The following CFAP74 variants were observed in gnomAD, a reference collection of about 807,000 sequenced individuals.
The protein encoded by CFAP74 is cilia and flagella associated protein 74.
Under a neutral mutation model 188.9 loss-of-function variants are expected in CFAP74, and 124 were observed. The observed-to-expected ratio is 0.66, with a 90% CI of 0.57 to 0.76. CFAP74 has a LOEUF of 0.76. CFAP74 is among the 30% of genes least tolerant of loss of function. CFAP74 has a pLI of 0.00. For missense variants in CFAP74, 2,198 were observed against 2,165.2 expected (o/e 1.02, Z -0.30); for synonymous variants, 956 against 916.7 (o/e 1.04, Z -0.77).
intron 37 of CFAP74, 116 bp downstream of exon 37, chr1:1,922,869 A>T: frequency 6.7e-7 from 1 of 1,491,004 alleles, no homozygotes; most frequent in South Asian, 1.3e-5. Flanking sequence ...AGTCCGAGAA[A>T]AGCCCGGCTG....
chr1:1,970,386 G>A (rs547473968), intron 10 of CFAP74, among the ~76,000 whole-genome samples: 19 of 152,174 alleles, frequency 1.2e-4, no homozygotes, highest in South Asian at 6.2e-4. Flanking sequence ...GGAGGCTCTC[G>A]ACAGGGGCCG....
intron 18 of CFAP74, among the ~76,000 whole-genome samples, chr1:1,952,610 G>A (rs1386884955): frequency 1.3e-5 from 2 of 151,360 alleles, no homozygotes; most frequent in Non-Finnish European, 2.9e-5. Context: ...AAGAAAGAAA[G>A]AAAGACAGAC....
In CFAP74 at chr1:1,939,617, A is replaced by C. The variant is rs1429494209; in HGVS notation, c.2854T>G (p.Phe952Val). Residue 952 changes from phenylalanine (F) to valine (V), a missense_variant, in exon 24 of 39, where the codon TTC (phenylalanine) becomes GTC (valine). Coordinates refer to ENST00000682832, the MANE Select transcript of CFAP74 (RefSeq NM_001304360.2). The stretch of plus-strand genomic sequence containing the variant: ...ACCTTGGGAAGCCTGACGAACCCGA[A>C]CTCCTGGGGCAGGAGCGAGTGGTTG... ...LHNHSLLPQEFGFVRLPKFVD... is the reference protein window; with the variant it reads ...LHNHSLLPQEVGFVRLPKFVD... The C allele has an allele frequency of 6.5e-7, 1 of 1,535,342 alleles. No individual in the cohort carries two copies.
chr1:1,942,849 G>C lies in CFAP74; in HGVS notation c.2487-693C>G, dbSNP rs1278367002. Among the ~76,000 whole-genome samples the C allele has an allele frequency of 1.3e-5, 2 of 152,180 alleles. No individual in the cohort carries two copies. Among genetic ancestry groups the C allele is most frequent in the Non-Finnish European group, 2.9e-5 (2 of 68,018 alleles). On this transcript the variant is annotated intron_variant, in intron 21 of 38. Coordinates refer to ENST00000682832, the MANE Select transcript of CFAP74 (RefSeq NM_001304360.2). This position sits in a 1 kb window ranked among gnomAD's most constrained non-coding sequence, Gnocchi z 4.3. The stretch of plus-strand genomic sequence containing the variant: ...AGCTGCCCCGGGCAATCCACGAGGG[G>C]GGACCCAGAGGGTGTGGCAGTGAGA...
At position 1,988,672 on chromosome 1, in the gene CFAP74, C is replaced by T. The variant is rs201005438; in HGVS notation, c.153-17G>A. 3.6e-5 allele frequency: 58 copies of T among 1,602,834 alleles called. No homozygotes were observed. The highest frequency in any genetic ancestry group is 1.7e-4 in the Middle Eastern group (1 of 5,988). ...TTCACTGAGCTTAGGATGAAAAGGACGTCAGCTGCCACCACCCCAGCTGCA... is the reference window on the plus strand; with the variant it reads ...TTCACTGAGCTTAGGATGAAAAGGATGTCAGCTGCCACCACCCCAGCTGCA... On this transcript the variant is annotated splice_polypyrimidine_tract_variant and intron_variant, in intron 3 of 38. Coordinates refer to ENST00000682832, the MANE Select transcript of CFAP74 (RefSeq NM_001304360.2).
intron 6 of CFAP74, among the ~76,000 whole-genome samples, chr1:1,976,893 T>C (rs1405725458): frequency 6.6e-6 from 1 of 151,642 alleles, no homozygotes; most frequent in Non-Finnish European, 1.5e-5. Context: ...TTGCCCAGGC[T>C]GGAGTACAGT....
chr1:1,985,447 C>T lies in CFAP74; in HGVS notation c.439G>A (p.Ala147Thr). Residue 147 changes from alanine to threonine, a missense_variant, in exon 6 of 39, where the codon GCA becomes ACA. By Grantham distance (58) the Ala-to-Thr change is moderately conservative. Transcript: ENST00000682832. ...RLQAVSRRLF[A>T]ELENERDLQS... is the part of the protein sequence containing the mutation. ...AGGTCTCTCTCGTTCTCCAGCTCTG[C>T]AAACAGGCGTCTGGACACGGCCTGG... 6.2e-7 allele frequency: 1 copy of T among 1,614,100 alleles called. No individual in the cohort carries two copies. Among genetic ancestry groups the T allele is most frequent in the Non-Finnish European group, 8.5e-7 (1 of 1,180,042 alleles).
chr1:1,930,101 T>C lies in CFAP74; in HGVS notation c.3247A>G (p.Ile1083Val). 6.5e-7 allele frequency: 1 copy of C among 1,534,086 alleles called. No homozygotes were observed. Among genetic ancestry groups the C allele is most frequent in the Admixed American group, 2.0e-5 (1 of 50,930 alleles). Residue 1083 changes from isoleucine to valine, a missense_variant, in exon 26 of 39, where the codon ATC becomes GTC. By Grantham distance (29) the Ile-to-Val change is conservative (BLOSUM62 3). Transcript: ENST00000682832. ...FEFLLPPDSP[I>V]TISPSVGTVW... ...GTCCCCACTGAGGGCGAGATGGTGA[T>C]AGGCGAGTCTGGGGGCAGCAGGAAC... is the stretch of plus-strand genomic sequence containing the variant.
At position 1,974,317 on chromosome 1, in the gene CFAP74, C is replaced by T. The variant is rs555731329; in HGVS notation, c.501-119G>A. ...ATGTTGAACACCCCAGATGGGTTAG[C>T]TCCCTCCTCTAGGGGCCATCTCCGC... On this transcript the variant is annotated intron_variant, in intron 6 of 38. Coordinates refer to ENST00000682832, the MANE Select transcript of CFAP74 (RefSeq NM_001304360.2). 32 of 967,042 alleles carry T rather than the reference C, an allele frequency of 3.3e-5. No individual in the cohort carries two copies. In the South Asian group the frequency reaches 5.7e-4, roughly 17 times the overall value. 59.9% of individuals were successfully genotyped at this position (967,042 alleles called of 1,614,324 possible).
intron 1 of CFAP74, among the ~76,000 whole-genome samples, chr1:1,993,386 T>C (rs1412241500): frequency 6.6e-6 from 1 of 151,588 alleles, no homozygotes; most frequent in East Asian, 2.0e-4. Context: ...CTGGGCTCAA[T>C]TGATCCTCCT....
intron 1 of CFAP74, among the ~76,000 whole-genome samples, chr1:1,993,764 C>T (rs1342011468): frequency 1.4e-5 from 2 of 143,816 alleles, no homozygotes; most frequent in Admixed American, 1.4e-4. Flanking sequence ...AGGTGGATCA[C>T]GAGGTCAGGA....
chr1:1,968,579 C>A lies in CFAP74; in HGVS notation c.1245+56G>T, dbSNP rs113873178. The A allele has an allele frequency of 1.9e-4, 286 of 1,479,636 alleles. No homozygotes were observed. In the African/African-American group the frequency reaches 3.6e-3, roughly 19 times the overall value. The allele number at this position is 1,479,636 out of a possible 1,614,324, so 91.7% of individuals were successfully genotyped here. On this transcript the variant is annotated intron_variant, in intron 11 of 38. Coordinates refer to ENST00000682832, the MANE Select transcript of CFAP74 (RefSeq NM_001304360.2). This position sits in a 1 kb window ranked among gnomAD's most constrained non-coding sequence, Gnocchi z 4.3. The stretch of plus-strand genomic sequence containing the variant: ...TCTCACCACACCTGAGCCCTGAGGC[C>A]CCACCTGCCCTCCACAGGTGTGCGG...
rs535569661 is a variant in CFAP74, at chr1:1,942,184, C to T, written c.2487-28G>A. 304 of 1,473,340 alleles carry T rather than the reference C, an allele frequency of 2.1e-4. 2 individuals are homozygous for T. In the South Asian group the frequency reaches 3.4e-3, roughly 17 times the overall value. The allele number at this position is 1,473,340 out of a possible 1,614,324, so 91.3% of individuals were successfully genotyped here. A position where few individuals can be genotyped will look rare whatever the true frequency, so the allele number is the denominator to read the frequency against. ...GTGGGCGTGTCGCAGGGCACTGGGT[C>T]AGGTGCCACAGTCGTGATTCTGTGT... On this transcript the variant is annotated intron_variant, in intron 21 of 38. Coordinates refer to ENST00000682832, the MANE Select transcript of CFAP74 (RefSeq NM_001304360.2). This position sits in a 1 kb window ranked among gnomAD's most constrained non-coding sequence, Gnocchi z 4.3.
intron 18 of CFAP74, among the ~76,000 whole-genome samples, chr1:1,947,496 C>T (rs1393714670): frequency 6.6e-6 from 1 of 152,250 alleles, no homozygotes; most frequent in Non-Finnish European, 1.5e-5. Flanking sequence ...CTGTGGCAGG[C>T]TCCTGGTTTC....
In CFAP74 at chr1:1,973,741, A is replaced by C. The variant is rs188412691; in HGVS notation, c.674+284T>G. On this transcript the variant is annotated intron_variant, in intron 7 of 38. Coordinates refer to ENST00000682832, the MANE Select transcript of CFAP74 (RefSeq NM_001304360.2). The surrounding 1 kb of genome is among the most constrained non-coding windows in gnomAD (Gnocchi z 6.2). ...GCTGCCGGAGGGAAAGGGGAGGGGC[A>C]GTCTTGCTGGAGCGTGGCTTTAGTA... Among the ~76,000 whole-genome samples, 1 of 152,070 alleles carries C rather than the reference A, an allele frequency of 6.6e-6. No individual in the cohort carries two copies.
rs776651951 is a variant in CFAP74, at chr1:1,990,930, A to G, written c.27T>C (p.Pro9=). The part of the protein sequence containing the change: MEDDGSLL[P]EDELLADALL... ...GGGCATCGGCCAAAAGCTCGTCCTC[A>G]GGGAGCAGGCTGCCGTCATCCTCCA... is the stretch of plus-strand genomic sequence containing the variant. The change falls in exon 2 of 39, where the codon CCT becomes CCC. Residue 9 remains proline (P), a synonymous_variant. Transcript: ENST00000682832. The G allele has an allele frequency of 6.2e-7, 1 of 1,613,202 alleles. No individual in the cohort carries two copies. Among genetic ancestry groups the G allele is most frequent in the Admixed American group, 1.7e-5 (1 of 59,718 alleles).
chr1:1,924,677 T>C (rs1651720374), intron 33 of CFAP74, among the ~76,000 whole-genome samples, 157 bp from the exon 34 acceptor site: 1 of 152,152 alleles, frequency 6.6e-6, no homozygotes, highest in Non-Finnish European at 1.5e-5. Flanking sequence ...TTTATTGAGC[T>C]GTGTGCCAAC....
At chr1:1,922,440 G>A in intron 38 of CFAP74, 52 bp from the exon 39 acceptor site, 1 of 1,563,764 alleles carries the variant, frequency 6.4e-7, no homozygotes, top group Non-Finnish European at 8.7e-7. Flanking sequence ...GGCACCCAGA[G>A]GAGATCTGCT....
At chr1:1,935,875 C>A (rs1444798449) in intron 25 of CFAP74, among the ~76,000 whole-genome samples, 1 of 151,518 alleles carries the variant, frequency 6.6e-6, no homozygotes, top group Non-Finnish European at 1.5e-5. Context: ...ACTACACACA[C>A]ACACACACAC....
Sources: allele counts gnomAD v4.1 joint callset (sites outside exome capture counted in the v4.1 genomes callset), GRCh38; gene constraint gnomAD v4.1.1; non-coding constraint Gnocchi (gnomAD v3.1); transcripts MANE v1.5; gene names NCBI Gene and HGNC (gene_info 2026-07-23, HGNC 2026-07-21).